DLC1: variants seen among roughly 807,000 people sequenced by gnomAD.
DLC1 encodes the protein DLC1 Rho GTPase activating protein, also known as rho GTPase-activating protein 7.
Under a neutral mutation model 140.3 loss-of-function variants are expected in DLC1, and 54 were observed. The ratio of observed to expected loss-of-function variants is 0.38; its 90% confidence interval spans 0.31 to 0.48. The LOEUF (loss-of-function observed/expected upper bound fraction) is 0.48, where lower values mean the gene tolerates loss of function less well. Ranked by LOEUF, DLC1 falls within the 20% of genes least tolerant of loss-of-function variation. The pLI, the probability that DLC1 is intolerant of heterozygous loss-of-function variation, is 0.96. For missense variants in DLC1, 2,536 were observed against 1,907.0 expected (o/e 1.33, Z -6.14); for synonymous variants, 986 against 728.1 (o/e 1.35, Z -5.70).
chr8:13,143,798 G>T (rs1300629247), intron 5 of DLC1, among the ~76,000 whole-genome samples: 1 of 144,238 alleles, frequency 6.9e-6, no homozygotes, highest in Non-Finnish European at 1.5e-5. Context: ...GATGTTGAAA[G>T]ACCAAATGAA....
intron 5 of DLC1, among the ~76,000 whole-genome samples, chr8:13,294,722 T>C (rs1586085038): frequency 1.3e-5 from 2 of 152,318 alleles, no homozygotes; most frequent in East Asian, 3.9e-4. Flanking sequence ...CTGAGAAGTC[T>C]TGGCATTTAA....
intron 2 of DLC1, 136 bp from the exon 3 acceptor site, chr8:13,401,755 G>A: frequency 8.8e-7 from 1 of 1,132,306 alleles, no homozygotes; most frequent in Non-Finnish European, 1.2e-6. Context: ...GTTCCATTCT[G>A]TATCATCAAT....
intron 5 of DLC1, among the ~76,000 whole-genome samples, chr8:13,162,856 C>T (rs1014517489): frequency 2.0e-5 from 3 of 152,120 alleles, no homozygotes; most frequent in African/African-American, 7.2e-5. Context: ...ATCTCTTGAG[C>T]CCAGGAGTAT....
intron 1 of DLC1, among the ~76,000 whole-genome samples, chr8:13,508,540 C>T (rs1255530007): frequency 6.6e-6 from 1 of 151,970 alleles, no homozygotes; most frequent in Admixed American, 6.6e-5. Flanking sequence ...GCTTCAGCCT[C>T]CTCAGTAACT....
At chr8:13,358,377 A>G (rs915583230) in intron 4 of DLC1, among the ~76,000 whole-genome samples, 8 of 152,180 alleles carry the variant, frequency 5.3e-5, no homozygotes, top group African/African-American at 1.7e-4. Context: ...TGCCAAGGGT[A>G]TATGCTCTCT....
At chr8:13,326,143 C>T (rs908545398) in intron 4 of DLC1, among the ~76,000 whole-genome samples, 6 of 152,138 alleles carry the variant, frequency 3.9e-5, no homozygotes, top group African/African-American at 9.7e-5. Flanking sequence ...ACAGCATCCC[C>T]GCTGTCAAGT....
chr8:13,429,593 A>G (rs905599566), intron 2 of DLC1, among the ~76,000 whole-genome samples: 2 of 152,174 alleles, frequency 1.3e-5, no homozygotes, highest in African/African-American at 4.8e-5. Flanking sequence ...AGTGAAAGCA[A>G]AAAAGGGAAA....
intron 2 of DLC1, among the ~76,000 whole-genome samples, chr8:13,423,956 G>T (rs538494672): frequency 1.3e-5 from 2 of 152,096 alleles, no homozygotes; most frequent in African/African-American, 2.4e-5. Flanking sequence ...TTAAGATTCT[G>T]TTATTTGCTC....
chr8:13,422,565 G>A (rs1838367110), intron 2 of DLC1, among the ~76,000 whole-genome samples: 2 of 152,104 alleles, frequency 1.3e-5, no homozygotes, highest in African/African-American at 4.8e-5. Flanking sequence ...GGTGACAAAT[G>A]GGTGTTGTGC....
At chr8:13,276,667 T>A in intron 5 of DLC1, 1 of 1,075,956 alleles carries the variant, frequency 9.3e-7, no homozygotes, top group Non-Finnish European at 1.1e-6. Context: ...CGGAGGCGTC[T>A]CGCTTCCTGT....
At chr8:13,328,480 AT>A (rs1476891022) in intron 4 of DLC1, among the ~76,000 whole-genome samples, 1 of 152,202 alleles carries the variant, frequency 6.6e-6, no homozygotes, top group Non-Finnish European at 1.5e-5. Flanking sequence ...TACCATCTAT[AT>A]AGGTAGAGAA....
intron 1 of DLC1, among the ~76,000 whole-genome samples, chr8:13,566,010 G>A (rs535557237): frequency 4.6e-5 from 7 of 152,298 alleles, no homozygotes; most frequent in African/African-American, 1.7e-4. Context: ...AGATTTATTT[G>A]TTCCATAGCC....
At chr8:13,268,736 CT>C (rs1830791968) in intron 5 of DLC1, among the ~76,000 whole-genome samples, 1 of 151,928 alleles carries the variant, frequency 6.6e-6, no homozygotes. Context: ...GAAATTCTGA[CT>C]TCTTTTTGTG....
At position 13,499,160 on chromosome 8, in the gene DLC1, G is replaced by T. The variant is rs1437594422; in HGVS notation, c.912C>A (p.Asn304Lys). Residue 304 changes from asparagine to lysine, a missense_variant, in exon 2 of 18, where the codon AAC becomes AAA. Physicochemically the swap from Asn to Lys is moderately conservative, Grantham distance 94. Transcript: ENST00000276297. ...CTGCCTTGACCTTTGGTGGACTTTT[G>T]TTTTGATGTTGTGAAAAACCACTCT... ...LEKSGFSQHQ[N>K]KSPPKVKAED... The T allele has an allele frequency of 6.2e-7, 1 of 1,614,010 alleles. No homozygotes were observed. The highest frequency in any genetic ancestry group is 8.5e-7 in the Non-Finnish European group (1 of 1,180,000).
intron 5 of DLC1, among the ~76,000 whole-genome samples, chr8:13,186,240 T>C (rs899278348): frequency 1.3e-5 from 2 of 152,180 alleles, no homozygotes; most frequent in African/African-American, 4.8e-5. Context: ...TCCTGAAGAG[T>C]GTTTTCCAAT....
intron 6 of DLC1, among the ~76,000 whole-genome samples, chr8:13,112,246 G>A (rs192393244): frequency 4.6e-5 from 7 of 152,348 alleles, no homozygotes; most frequent in African/African-American, 1.4e-4. Flanking sequence ...TTTTGGAGAC[G>A]CAGGTAATTA....
intron 4 of DLC1, among the ~76,000 whole-genome samples, chr8:13,345,074 C>T (rs966785050): frequency 1.3e-5 from 2 of 152,038 alleles, no homozygotes; most frequent in Non-Finnish European, 2.9e-5. Context: ...CTTCCCTGGC[C>T]CCGCCACACA....
At chr8:13,213,838 C>T (rs138938078) in intron 5 of DLC1, among the ~76,000 whole-genome samples, 6 of 151,342 alleles carry the variant, frequency 4.0e-5, no homozygotes, top group Admixed American at 6.6e-5. Context: ...GCCTGGAGTG[C>T]AGTGGCGTGA....
At position 13,315,357 on chromosome 8, in the gene DLC1, G is replaced by C. The variant is rs77406663; in HGVS notation, c.1315-10055C>G. Among the ~76,000 whole-genome samples, 669 of 152,298 alleles carry C rather than the reference G, an allele frequency of 4.4e-3. 2 individuals are homozygous for C. Among genetic ancestry groups the C allele is most frequent in the African/African-American group, 0.016 (646 of 41,562 alleles). Reference sequence around the variant, plus strand: ...ATAATCAAATAATAGCCAAACATTTGGTGCTTTCAAAGTGGTAAATTGTGT... The same window carrying C: ...ATAATCAAATAATAGCCAAACATTTCGTGCTTTCAAAGTGGTAAATTGTGT... On this transcript the variant is annotated intron_variant, in intron 4 of 17. Transcript: ENST00000276297.
Sources: allele counts gnomAD v4.1 joint callset (sites outside exome capture counted in the v4.1 genomes callset), GRCh38; gene constraint gnomAD v4.1.1; transcripts MANE v1.5; gene names NCBI Gene and HGNC (gene_info 2026-07-23, HGNC 2026-07-21).